The following RRM1 variants were observed in gnomAD, a reference collection of about 807,000 sequenced individuals.
RRM1 encodes ribonucleoside-diphosphate reductase large subunit.
RRM1 carries 19 observed loss-of-function variants against 101.5 expected under a neutral mutation model. That is an observed-to-expected ratio of 0.19 (90% CI 0.13 to 0.27). The LOEUF (loss-of-function observed/expected upper bound fraction) is 0.27. Among genes scored for constraint, RRM1 ranks in the 10% least tolerant of loss-of-function variants. The probability of loss-of-function intolerance (pLI) is 1.00; values close to 1 mark genes in which losing one functional copy is unlikely to be tolerated. For synonymous variants in RRM1, 298 were observed against 323.4 expected (o/e 0.92, Z 0.84); for missense variants, 500 against 962.9 (o/e 0.52, Z 6.36).
At chr11:4,122,086 A>T (rs2094582722) in intron 10 of RRM1, 55 bp from the exon 11 acceptor site, 1 of 1,326,960 alleles carries the variant, frequency 7.5e-7, no homozygotes. Context: ...TTTCTAATGG[A>T]TTATGGTTGG....
intron 12 of RRM1, among the ~76,000 whole-genome samples, chr11:4,125,584 A>G (rs912381416): frequency 2.0e-4 from 31 of 152,100 alleles, no homozygotes; most frequent in African/African-American, 5.8e-4. Flanking sequence ...AAACATGTCA[A>G]CCATGCTCCT....
chr11:4,132,709 A>G lies in RRM1; in HGVS notation c.1905+288A>G, dbSNP rs896706629. 2.4e-4 allele frequency among the ~76,000 whole-genome samples: 37 copies of G among 152,366 alleles called. No homozygotes were observed. Among genetic ancestry groups the G allele is most frequent in the Middle Eastern group, 3.4e-3 (1 of 294 alleles). ...TTATGTAATCATAGTGATATATTCT[A>G]TAACTTCTCCCAGATGCTTAAGTTA... On this transcript the variant is annotated intron_variant, in intron 16 of 18. Coordinates refer to ENST00000300738, the MANE Select transcript of RRM1 (RefSeq NM_001033.5). This position sits in a 1 kb window ranked among gnomAD's most constrained non-coding sequence, Gnocchi z 4.1.
intron 11 of RRM1, 48 bp downstream of exon 11, chr11:4,122,268 C>A: frequency 7.3e-7 from 1 of 1,369,840 alleles, no homozygotes; most frequent in Non-Finnish European, 1.0e-6. Flanking sequence ...ATCATGGTTT[C>A]TCTTATTTCA....
chr11:4,134,955 A>G, intron 17 of RRM1, 127 bp from the exon 18 acceptor site: 2 of 650,256 alleles, frequency 3.1e-6, no homozygotes, highest in Non-Finnish European at 5.1e-6. Flanking sequence ...ATATCATATG[A>G]TACTGAATGG....
intron 7 of RRM1, among the ~76,000 whole-genome samples, chr11:4,112,967 A>C (rs2094567646): frequency 6.6e-6 from 1 of 152,158 alleles, no homozygotes; most frequent in South Asian, 2.1e-4. Flanking sequence ...ACCTTGATTA[A>C]GATAAAAATA....
chr11:4,101,480 T>G (rs2094550805), intron 1 of RRM1, among the ~76,000 whole-genome samples: 1 of 151,742 alleles, frequency 6.6e-6, no homozygotes, highest in South Asian at 2.1e-4. Context: ...GCCCAGCTAA[T>G]TTTTTGTATT....
At chr11:4,102,904 T>G (rs908554106) in intron 2 of RRM1, among the ~76,000 whole-genome samples, 5 of 152,246 alleles carry the variant, frequency 3.3e-5, no homozygotes, top group Non-Finnish European at 7.3e-5. Flanking sequence ...TTTTCTGTGG[T>G]CTCTGCAGTG....
chr11:4,106,294 T>G (rs1399374243), intron 3 of RRM1, 71 bp downstream of exon 3: 1 of 1,346,096 alleles, frequency 7.4e-7, no homozygotes. Context: ...AAATAAATCT[T>G]GACTGTTTAA....
intron 7 of RRM1, among the ~76,000 whole-genome samples, chr11:4,117,267 C>T (rs1299610990): frequency 2.0e-5 from 3 of 152,156 alleles, no homozygotes; most frequent in Admixed American, 1.3e-4. Context: ...TATCTTTTGA[C>T]CCAGCAGTTC....
At chr11:4,108,881 G>A (rs2094561828) in intron 4 of RRM1, among the ~76,000 whole-genome samples, 1 of 152,130 alleles carries the variant, frequency 6.6e-6, no homozygotes, top group Admixed American at 6.5e-5. Flanking sequence ...AGGAAAGCAA[G>A]CTTTCGTATA....
intron 1 of RRM1, among the ~76,000 whole-genome samples, chr11:4,097,377 C>A (rs2094545164): frequency 6.6e-6 from 1 of 151,234 alleles, no homozygotes; most frequent in African/African-American, 2.4e-5. Context: ...ACAATTTGAT[C>A]CAGATGGTTC....
At chr11:4,118,500 G>A (rs1488724369) in intron 8 of RRM1, 39 bp downstream of exon 8, 2 of 1,611,248 alleles carry the variant, frequency 1.2e-6, no homozygotes, top group Non-Finnish European at 1.7e-6. Context: ...GGGGATTCAA[G>A]TCTAAAAGCA....
chr11:4,127,013 T>C (rs1039574241), intron 13 of RRM1, 22 bp from the exon 14 acceptor site: 2 of 1,587,228 alleles, frequency 1.3e-6, no homozygotes, highest in African/African-American at 2.7e-5. Flanking sequence ...TCTCCTTTTC[T>C]TTAAAATCTG....
At chr11:4,130,988 AAAT>A (rs776824607) in intron 15 of RRM1, among the ~76,000 whole-genome samples, 1 of 152,238 alleles carries the variant, frequency 6.6e-6, no homozygotes, top group Non-Finnish European at 1.5e-5. Context: ...GTAAATAAAA[AAAT>A]AATAATAACT....
At chr11:4,116,876 A>G (rs1590721753) in intron 7 of RRM1, among the ~76,000 whole-genome samples, 1 of 151,908 alleles carries the variant, frequency 6.6e-6, no homozygotes, top group Non-Finnish European at 1.5e-5. Flanking sequence ...CTGAGGTGGG[A>G]GGATCGCTCG....
intron 18 of RRM1, chr11:4,137,186 G>T: frequency 4.0e-6 from 1 of 251,552 alleles, no homozygotes; most frequent in Admixed American, 5.4e-5. Context: ...CACAGACACG[G>T]CAACCATCCG....
At chr11:4,128,161 C>CTT (rs146980476) in intron 14 of RRM1, among the ~76,000 whole-genome samples, 15 of 133,024 alleles carry the variant, frequency 1.1e-4, no homozygotes, top group South Asian at 2.4e-4. Flanking sequence ...CCCTGTCCCG[C>CTT]TTTTTTTTTT....
intron 11 of RRM1, 32 bp from the exon 12 acceptor site, chr11:4,123,151 A>G (rs928653731): frequency 2.0e-5 from 30 of 1,533,304 alleles, no homozygotes; most frequent in Non-Finnish European, 2.7e-5. Context: ...TTTAGGGAAT[A>G]TATATTAAAT....
chr11:4,101,784 G>A (rs140004341), intron 1 of RRM1: 174 of 476,928 alleles, frequency 3.6e-4, no homozygotes, highest in African/African-American at 3.1e-3. Flanking sequence ...ATCCGTAAAC[G>A]TCTGTCTGTA....
Sources: gnomAD v4.1 joint callset for allele counts (sites outside exome capture counted in the v4.1 genomes callset) on GRCh38, gnomAD v4.1.1 for gene constraint, Gnocchi (gnomAD v3.1) non-coding constraint, MANE v1.5 for transcripts, NCBI Gene and HGNC (gene_info 2026-07-23, HGNC 2026-07-21) for gene names.